The following RNF216 variants were observed in gnomAD, a reference collection of about 807,000 sequenced individuals.
The protein encoded by RNF216 is E3 ubiquitin-protein ligase RNF216.
A neutral mutation model predicts 110.8 loss-of-function variants in RNF216; 72 were observed. That is an observed-to-expected ratio of 0.65 (90% confidence interval 0.54 to 0.79). The LOEUF is 0.79. RNF216 is among the 30% of genes least tolerant of loss of function. The probability of loss-of-function intolerance (pLI) is 0.00; values close to 1 mark genes in which losing one functional copy is unlikely to be tolerated. For missense variants in RNF216, 1,342 were observed against 1,141.2 expected (o/e 1.18, Z -2.54); for synonymous variants, 495 against 407.5 (o/e 1.21, Z -2.59).
intron 3 of RNF216, among the ~76,000 whole-genome samples, chr7:5,742,301 C>A (rs781461495): frequency 6.6e-6 from 1 of 152,168 alleles, no homozygotes; most frequent in Non-Finnish European, 1.5e-5. Flanking sequence ...CCTCCCTCAG[C>A]CTCCCAAAGT....
At chr7:5,723,491 C>T (rs894215813) in intron 8 of RNF216, among the ~76,000 whole-genome samples, 3 of 151,666 alleles carry the variant, frequency 2.0e-5, no homozygotes, top group African/African-American at 7.3e-5. Flanking sequence ...ACTAAAAACA[C>T]AAAAAATTAG....
chr7:5,736,922 G>C (rs904044140), intron 5 of RNF216, among the ~76,000 whole-genome samples: 2 of 150,932 alleles, frequency 1.3e-5, no homozygotes, highest in African/African-American at 2.4e-5. Flanking sequence ...CCCTCCGCCC[G>C]GCAGCCGCCC....
In RNF216 at chr7:5,667,707, C is replaced by G. The variant is rs60100761; in HGVS notation, c.2062-15197G>C. Among the ~76,000 whole-genome samples, 852 of 152,338 alleles carry G rather than the reference C, an allele frequency of 5.6e-3. 8 individuals carry two copies. The highest frequency in any genetic ancestry group is 0.019 in the African/African-American group (804 of 41,572). On this transcript the variant is annotated intron_variant, in intron 13 of 16. Transcript: ENST00000389902. Reference sequence around the variant, plus strand: ...ATCTTGGCCTGGCAGGAACAGCCAGCAAAACCAGCTCCTGCCTGCTGGAAC... The same window carrying G: ...ATCTTGGCCTGGCAGGAACAGCCAGGAAAACCAGCTCCTGCCTGCTGGAAC...
chr7:5,705,695 G>T (rs921630883), intron 13 of RNF216, among the ~76,000 whole-genome samples: 3 of 152,144 alleles, frequency 2.0e-5, no homozygotes, highest in Non-Finnish European at 4.4e-5. Flanking sequence ...GATCACCTGA[G>T]GTCAGGAGTT....
Position 5,741,674 on chromosome 7 carries a change from T to A in RNF216, c.343A>T (p.Asn115Tyr), listed in dbSNP as rs1282627458. The A allele has an allele frequency of 6.2e-7, 1 of 1,614,184 alleles. No homozygotes were observed. Among genetic ancestry groups the A allele is most frequent in the East Asian group, 2.2e-5 (1 of 44,882 alleles). ...SDKSSYFSVC[N>Y]NPLFDSGAQD... ...GCCCCAGAATCAAACAATGGGTTGT[T>A]ACACACTGAAAAATAGCTGCTCTTA... Residue 115 changes from asparagine to tyrosine, a missense_variant, in exon 4 of 17, where the codon AAC (asparagine) becomes TAC (tyrosine). By Grantham distance (143) the Asn-to-Tyr change is moderately radical. Transcript: ENST00000389902.
chr7:5,704,413 C>G (rs950598386), intron 13 of RNF216, among the ~76,000 whole-genome samples: 18 of 152,150 alleles, frequency 1.2e-4, no homozygotes, highest in African/African-American at 4.3e-4. Flanking sequence ...TTAGCGACTG[C>G]TTTAGCCATC....
At chr7:5,681,501 C>T (rs1584440910) in intron 13 of RNF216, among the ~76,000 whole-genome samples, 1 of 152,240 alleles carries the variant, frequency 6.6e-6, no homozygotes, top group East Asian at 1.9e-4. Flanking sequence ...CTAGTTTATT[C>T]CAAGGGGTGT....
chr7:5,726,569 C>A (rs944521818), intron 7 of RNF216, among the ~76,000 whole-genome samples: 2 of 152,040 alleles, frequency 1.3e-5, no homozygotes, highest in Non-Finnish European at 2.9e-5. Flanking sequence ...TAAATGTGTT[C>A]AAATCAGGGT....
chr7:5,681,585 C>T (rs972652664), intron 13 of RNF216, among the ~76,000 whole-genome samples: 1 of 152,036 alleles, frequency 6.6e-6, no homozygotes, highest in Non-Finnish European at 1.5e-5. Context: ...TTAACCCTAC[C>T]CACTGACCAC....
intron 4 of RNF216, among the ~76,000 whole-genome samples, chr7:5,739,959 C>T (rs1327055053): frequency 6.7e-6 from 1 of 149,964 alleles, no homozygotes; most frequent in Non-Finnish European, 1.5e-5. Flanking sequence ...GCTGAGATCG[C>T]ACCACTGTAC....
chr7:5,662,893 C>T (rs1444288419), intron 13 of RNF216, among the ~76,000 whole-genome samples: 4 of 151,988 alleles, frequency 2.6e-5, no homozygotes, highest in African/African-American at 4.8e-5. Context: ...GGTAGAGAAG[C>T]GTTCCAGGTA....
intron 13 of RNF216, among the ~76,000 whole-genome samples, chr7:5,673,593 C>T (rs1246740999): frequency 6.6e-6 from 1 of 152,140 alleles, no homozygotes; most frequent in Non-Finnish European, 1.5e-5. Flanking sequence ...GACCACAGCC[C>T]AGAATGAGGG....
At chr7:5,739,769 G>C (rs1794648437) in intron 4 of RNF216, 2 of 382,232 alleles carry the variant, frequency 5.2e-6, no homozygotes, top group African/African-American at 4.2e-5. Flanking sequence ...GGGAGGTCGA[G>C]GCAGGCGGAT....
chr7:5,674,951 C>T (rs751135288), intron 13 of RNF216, among the ~76,000 whole-genome samples: 3 of 151,794 alleles, frequency 2.0e-5, no homozygotes, highest in Non-Finnish European at 2.9e-5. Context: ...GAGCTGAGAT[C>T]GCGCCACTGC....
intron 7 of RNF216, 55 bp from the exon 8 acceptor site, chr7:5,725,493 G>A (rs1793695453): frequency 1.1e-5 from 11 of 1,011,290 alleles, no homozygotes; most frequent in East Asian, 7.1e-5. Flanking sequence ...AAGAATACAC[G>A]AGACAGGCAA....
rs760709107 is a variant in RNF216, at chr7:5,741,528, G to C, written c.489C>G (p.Asn163Lys). The part of the protein sequence containing the change: ...EREPKPGPSH[N>K]QAANDIVNPR... ...GGTTGACAATGTCATTTGCTGCTTG[G>C]TTATGACTCGGTCCAGGCTTGGGTT... Residue 163 changes from asparagine to lysine, a missense_variant, in exon 4 of 17, where the codon AAC becomes AAG. Coordinates refer to ENST00000389902, the MANE Select transcript of RNF216 (RefSeq NM_207111.4). 14 of 1,614,050 alleles carry C rather than the reference G, an allele frequency of 8.7e-6. No homozygotes were observed. The highest frequency in any genetic ancestry group is 6.7e-5 in the Admixed American group (4 of 59,988).
intron 13 of RNF216, among the ~76,000 whole-genome samples, chr7:5,653,912 A>G (rs852522): frequency 0.77 from 116,819 of 152,240 alleles, 45,929 homozygotes; most frequent in East Asian, 1. Context: ...TGCAGACAGT[A>G]AGCATGGCCC....
At chr7:5,703,731 T>C (rs1353490735) in intron 13 of RNF216, among the ~76,000 whole-genome samples, 1 of 152,220 alleles carries the variant, frequency 6.6e-6, no homozygotes, top group Non-Finnish European at 1.5e-5. Flanking sequence ...CTACACCAGA[T>C]GTTCTTCAGT....
chr7:5,690,793 C>T (rs1294390305), intron 13 of RNF216, among the ~76,000 whole-genome samples: 1 of 152,192 alleles, frequency 6.6e-6, no homozygotes, highest in Non-Finnish European at 1.5e-5. Context: ...CCCCGACAGC[C>T]TGCAGGGATG....
Sources: gnomAD v4.1 joint callset for allele counts (sites outside exome capture counted in the v4.1 genomes callset) on GRCh38, gnomAD v4.1.1 for gene constraint, MANE v1.5 for transcripts, NCBI Gene and HGNC (gene_info 2026-07-23, HGNC 2026-07-21) for gene names.